Variants in GLDC observed in about 807,000 individuals in gnomAD.
The protein encoded by GLDC is glycine dehydrogenase (decarboxylating), mitochondrial.
In GLDC, 104 loss-of-function variants were observed where a neutral mutation model predicts 121.3. The ratio of observed to expected loss-of-function variants is 0.86; its 90% CI spans 0.73 to 1.01. The LOEUF is 1.01. GLDC is among the 50% of genes least tolerant of loss of function. The probability of loss-of-function intolerance (pLI) is 0.00; values close to 1 mark genes in which losing one functional copy is unlikely to be tolerated. For missense variants in GLDC, 1,429 were observed against 1,306.6 expected (o/e 1.09, Z -1.44); for synonymous variants, 546 against 480.6 (o/e 1.14, Z -1.78).
intron 2 of GLDC, among the ~76,000 whole-genome samples, chr9:6,638,485 G>A (rs1277162965): frequency 2.6e-5 from 4 of 152,078 alleles, no homozygotes; most frequent in African/African-American, 9.7e-5. Context: ...AAAGTGCTGG[G>A]ATTATGGGCG....
chr9:6,558,424 ACT>A, intron 17 of GLDC, 133 bp downstream of exon 17: 1 of 997,018 alleles, frequency 1.0e-6, no homozygotes, highest in East Asian at 2.4e-5. Context: ...GGTAGAGTAG[ACT>A]CTGGTCAAAG....
chr9:6,594,423 T>C (rs1313842779), intron 9 of GLDC, among the ~76,000 whole-genome samples: 1 of 152,004 alleles, frequency 6.6e-6, no homozygotes, highest in Non-Finnish European at 1.5e-5. Context: ...AAGCCAGGCA[T>C]GGTGGCTCAC....
intron 2 of GLDC, among the ~76,000 whole-genome samples, chr9:6,632,363 G>A (rs1054067429): frequency 2.0e-5 from 3 of 152,202 alleles, no homozygotes; most frequent in Admixed American, 6.5e-5. Flanking sequence ...AAATAATGCA[G>A]TGTCTACAAT....
chr9:6,567,386 T>C (rs1817874397), intron 15 of GLDC: 1 of 152,156 alleles, frequency 6.6e-6, no homozygotes, highest in African/African-American at 2.4e-5. Context: ...AGTAACTTCA[T>C]CTCCCTGTGC....
In GLDC at chr9:6,553,329, C is replaced by G; in HGVS notation, c.2457+39G>C. 5 of 1,604,942 alleles carry G rather than the reference C, an allele frequency of 3.1e-6. No homozygotes were observed. The South Asian group carries it at 5.5e-5, about 18-fold the overall frequency. On this transcript the variant is annotated intron_variant, in intron 20 of 24. Coordinates refer to ENST00000321612, the MANE Select transcript of GLDC (RefSeq NM_000170.3). ...CGGTCCCCATGCATGCCTGACGCCC[C>G]CACCCACCTGCACACCTGCACATAC...
intron 2 of GLDC, among the ~76,000 whole-genome samples, chr9:6,631,649 T>G (rs1261171262): frequency 6.6e-6 from 1 of 152,204 alleles, no homozygotes; most frequent in African/African-American, 2.4e-5. Context: ...TTGTTTTCCC[T>G]CTTTGCTGCC....
At position 6,593,868 on chromosome 9, in the gene GLDC, T is replaced by C. The variant is rs565536491; in HGVS notation, c.1262-878A>G. 1.1e-4 allele frequency among the ~76,000 whole-genome samples: 16 copies of C among 151,672 alleles called. No homozygotes were observed. The South Asian group carries it at 2.5e-3, about 24-fold the overall frequency. ...CCACCACTCCCAGCTGATTTTTGTA[T>C]TTTTAGTAGAGACAGGGTTTCACCA... On this transcript the variant is annotated intron_variant, in intron 9 of 24. Coordinates refer to ENST00000321612, the MANE Select transcript of GLDC (RefSeq NM_000170.3).
chr9:6,538,247 G>T lies in GLDC; in HGVS notation c.2665+1804C>A, dbSNP rs549848808. 6.6e-5 allele frequency among the ~76,000 whole-genome samples: 10 copies of T among 152,054 alleles called. No homozygotes were observed. In the East Asian group the frequency reaches 1.5e-3, roughly 23 times the overall value. Reference sequence around the variant, plus strand: ...AACCACCTGAGAAGTTCTTGCAAAAGAAATTCCTGCATCTGGGCCCTGATT... The same window carrying T: ...AACCACCTGAGAAGTTCTTGCAAAATAAATTCCTGCATCTGGGCCCTGATT... On this transcript the variant is annotated intron_variant, in intron 22 of 24. Transcript: ENST00000321612.
intron 21 of GLDC, among the ~76,000 whole-genome samples, chr9:6,550,368 T>G (rs541499615): frequency 6.6e-6 from 1 of 152,330 alleles, no homozygotes; most frequent in East Asian, 1.9e-4. Context: ...GGCTCATGCC[T>G]GTAATCCCAG....
chr9:6,555,636 A>T (rs565638809), intron 18 of GLDC, among the ~76,000 whole-genome samples: 62 of 152,006 alleles, frequency 4.1e-4, no homozygotes, highest in Admixed American at 1.0e-3. Flanking sequence ...AAAAAAATTT[A>T]AAAAAATTAG....
At chr9:6,564,719 G>A (rs1009968512) in intron 16 of GLDC, among the ~76,000 whole-genome samples, 1 of 152,222 alleles carries the variant, frequency 6.6e-6, no homozygotes, top group Non-Finnish European at 1.5e-5. Flanking sequence ...ACTGCTACAG[G>A]CACTGCCCCT....
chr9:6,639,198 A>T, intron 2 of GLDC: 2 of 862,772 alleles, frequency 2.3e-6, no homozygotes, highest in Non-Finnish European at 3.9e-6. Flanking sequence ...AGCCAAAGAG[A>T]ATGCTTTAAA....
At chr9:6,587,419 T>C in intron 14 of GLDC, 136 bp from the exon 15 acceptor site, 1 of 698,136 alleles carries the variant, frequency 1.4e-6, no homozygotes, top group Non-Finnish European at 2.5e-6. Context: ...TGTTAATTTA[T>C]TTAAGTTCCA....
In GLDC at chr9:6,644,821, G is replaced by A. The variant is rs537990710; in HGVS notation, c.256-129C>T. 5.0e-4 allele frequency: 356 copies of A among 716,960 alleles called. 4 individuals are homozygous for A. The highest frequency in any genetic ancestry group is 4.0e-3 in the South Asian group (265 of 65,992). The allele number at this position is 716,960 out of a possible 1,614,324, so 44.4% of individuals were successfully genotyped here. A position where few individuals can be genotyped will look rare whatever the true frequency, so the allele number is the denominator to read the frequency against. ...AATTAGGGTTCTTTTTAAAAGAAAA[G>A]GAAAACTCTGAGCAAGCCAGAATGA... On this transcript the variant is annotated intron_variant, in intron 1 of 24. Coordinates refer to ENST00000321612, the MANE Select transcript of GLDC (RefSeq NM_000170.3).
chr9:6,614,913 T>A (rs573271101), intron 3 of GLDC, among the ~76,000 whole-genome samples: 217 of 152,314 alleles, frequency 1.4e-3, no homozygotes, highest in African/African-American at 5.1e-3. Context: ...TAGGCAATTG[T>A]ACAACAATGG....
intron 6 of GLDC, 47 bp from the exon 7 acceptor site, chr9:6,604,831 G>C (rs1368165865): frequency 6.9e-7 from 1 of 1,444,632 alleles, no homozygotes; most frequent in South Asian, 1.1e-5. Flanking sequence ...ACCTTTCCCT[G>C]AGAGTAGTGG....
At chr9:6,600,762 G>A (rs568876271) in intron 8 of GLDC, among the ~76,000 whole-genome samples, 8 of 152,244 alleles carry the variant, frequency 5.3e-5, no homozygotes, top group Non-Finnish European at 7.4e-5. Context: ...CTGATCCTAG[G>A]GTTTGGCTGG....
intron 3 of GLDC, among the ~76,000 whole-genome samples, chr9:6,612,453 G>A (rs1291412584): frequency 6.6e-6 from 1 of 152,140 alleles, no homozygotes; most frequent in Non-Finnish European, 1.5e-5. Flanking sequence ...GTAGATGGAG[G>A]CTGGGCATGG....
chr9:6,558,139 G>C (rs1418981073), intron 17 of GLDC: 3 of 292,466 alleles, frequency 1.0e-5, no homozygotes, highest in Middle Eastern at 1.0e-3. Flanking sequence ...AAACCAAGCT[G>C]CATGATGCCA....
Sources: gnomAD v4.1 joint callset for allele counts (sites outside exome capture counted in the v4.1 genomes callset) on GRCh38, gnomAD v4.1.1 for gene constraint, MANE v1.5 for transcripts, NCBI Gene and HGNC (gene_info 2026-07-23, HGNC 2026-07-21) for gene names.